Variants in SLC12A8 observed in about 807,000 individuals in gnomAD.
SLC12A8 encodes the protein solute carrier family 12 member 8.
SLC12A8 carries 69 observed loss-of-function variants against 75.6 expected under a neutral mutation model. The ratio of observed to expected loss-of-function variants is 0.91; its 90% CI spans 0.75 to 1.11. The LOEUF (loss-of-function observed/expected upper bound fraction) is 1.11. Among genes scored for constraint, SLC12A8 ranks in the 50% most tolerant of loss-of-function variants. The probability of loss-of-function intolerance (pLI) is 0.00; values close to 1 mark genes in which losing one functional copy is unlikely to be tolerated. For synonymous variants in SLC12A8, 365 were observed against 372.8 expected (o/e 0.98, Z 0.24); for missense variants, 877 against 896.7 (o/e 0.98, Z 0.28).
At chr3:125,201,760 CTT>C (rs1935125913) in intron 2 of SLC12A8, among the ~76,000 whole-genome samples, 1 of 146,294 alleles carries the variant, frequency 6.8e-6, no homozygotes, top group African/African-American at 2.5e-5. Flanking sequence ...CCTCTAAAGA[CTT>C]TTCACGTCAA....
chr3:125,128,387 A>C (rs1250607568), intron 6 of SLC12A8, among the ~76,000 whole-genome samples: 1 of 126,568 alleles, frequency 7.9e-6, no homozygotes, highest in Non-Finnish European at 1.6e-5. Context: ...TCACCGTTTT[A>C]GCCGGGATGG....
chr3:125,182,820 A>G (rs1934696025), intron 4 of SLC12A8, among the ~76,000 whole-genome samples: 1 of 152,116 alleles, frequency 6.6e-6, no homozygotes, highest in African/African-American at 2.4e-5. Context: ...CCTTGTCCCC[A>G]TTTTTGTAAA....
chr3:125,093,643 G>A (rs1350053549), intron 10 of SLC12A8, among the ~76,000 whole-genome samples: 2 of 152,092 alleles, frequency 1.3e-5, no homozygotes, highest in African/African-American at 4.8e-5. Context: ...TTCCTTCACA[G>A]CACTTACCAT....
intron 2 of SLC12A8, among the ~76,000 whole-genome samples, chr3:125,196,895 T>C (rs816342): frequency 0.96 from 146,820 of 152,322 alleles, 70,977 homozygotes; most frequent in East Asian, 1. Context: ...TGCTGCTGCA[T>C]TCCAGCCTGG....
At chr3:125,106,506 C>A (rs937934672) in intron 10 of SLC12A8, among the ~76,000 whole-genome samples, 1 of 152,250 alleles carries the variant, frequency 6.6e-6, no homozygotes, top group East Asian at 1.9e-4. Flanking sequence ...TGGGTTCAAG[C>A]AATTCTCCTG....
chr3:125,132,769 C>T (rs1933392540), intron 6 of SLC12A8, among the ~76,000 whole-genome samples: 1 of 152,074 alleles, frequency 6.6e-6, no homozygotes, highest in East Asian at 1.9e-4. Flanking sequence ...GGTTATTCAA[C>T]AATAAGCATG....
At chr3:125,094,484 T>G (rs1488311770) in intron 10 of SLC12A8, among the ~76,000 whole-genome samples, 2 of 152,052 alleles carry the variant, frequency 1.3e-5, no homozygotes, top group South Asian at 4.2e-4. Flanking sequence ...TATTCTGCCT[T>G]CCTTCCTTTC....
At chr3:125,203,088 CAA>C (rs758212012) in intron 2 of SLC12A8, among the ~76,000 whole-genome samples, 9,268 of 88,392 alleles carry the variant, frequency 0.1, 172 homozygotes, top group East Asian at 0.21. Context: ...GACTTCATCT[CAA>C]AAAAAAAAAA....
intron 5 of SLC12A8, among the ~76,000 whole-genome samples, chr3:125,143,166 T>A (rs11714072): frequency 6.6e-6 from 1 of 152,114 alleles, no homozygotes; most frequent in Non-Finnish European, 1.5e-5. Context: ...GTAACCCTAA[T>A]TGAGAGTACA....
chr3:125,120,873 C>T (rs1277149009), intron 6 of SLC12A8, 187 bp from the exon 7 acceptor site: 3 of 702,958 alleles, frequency 4.3e-6, no homozygotes, highest in South Asian at 1.5e-5. Flanking sequence ...ATCCCTGTGG[C>T]GTGAAAGGCA....
At chr3:125,133,097 G>C (rs1933399571) in intron 6 of SLC12A8, among the ~76,000 whole-genome samples, 1 of 152,068 alleles carries the variant, frequency 6.6e-6, no homozygotes, top group African/African-American at 2.4e-5. Flanking sequence ...GTTGAGTAGG[G>C]GATACAAGAA....
chr3:125,204,893 C>T (rs1003596983), intron 2 of SLC12A8, among the ~76,000 whole-genome samples: 3 of 152,116 alleles, frequency 2.0e-5, no homozygotes, highest in South Asian at 2.1e-4. Flanking sequence ...TAAAATCTTG[C>T]TGGCCTAGGA....
chr3:125,107,427 T>C, intron 10 of SLC12A8, 54 bp downstream of exon 10: 1 of 1,489,984 alleles, frequency 6.7e-7, no homozygotes, highest in Non-Finnish European at 9.1e-7. Flanking sequence ...GTAGGTAGGA[T>C]AATCAGTGGT....
At chr3:125,090,525 T>C (rs1938558080) in intron 12 of SLC12A8, among the ~76,000 whole-genome samples, 1 of 152,234 alleles carries the variant, frequency 6.6e-6, no homozygotes, top group Admixed American at 6.5e-5. Context: ...TTGAAATCTC[T>C]GACTATGGTT....
intron 10 of SLC12A8, among the ~76,000 whole-genome samples, chr3:125,100,806 G>A (rs1437202154): frequency 6.7e-6 from 1 of 148,654 alleles, no homozygotes; most frequent in Non-Finnish European, 1.5e-5. Context: ...GAGGTCAGGA[G>A]ATCGAGACCA....
chr3:125,197,484 G>A (rs1464253947), intron 2 of SLC12A8, among the ~76,000 whole-genome samples: 1 of 152,172 alleles, frequency 6.6e-6, no homozygotes, highest in African/African-American at 2.4e-5. Flanking sequence ...TAGAGACAGA[G>A]TTTTGCGCTG....
chr3:125,170,051 C>A (rs1255376902), intron 5 of SLC12A8, among the ~76,000 whole-genome samples: 2 of 151,956 alleles, frequency 1.3e-5, no homozygotes, highest in African/African-American at 2.4e-5. Flanking sequence ...AAAAAAAAAT[C>A]CTCATTAATG....
intron 13 of SLC12A8, among the ~76,000 whole-genome samples, chr3:125,087,621 C>T (rs181034792): frequency 5.3e-5 from 8 of 152,248 alleles, no homozygotes; most frequent in Admixed American, 5.2e-4. Context: ...AGCTCTAGCT[C>T]CTCACTGATA....
chr3:125,170,124 T>C (rs1172374742), intron 5 of SLC12A8, among the ~76,000 whole-genome samples: 1 of 152,196 alleles, frequency 6.6e-6, no homozygotes, highest in African/African-American at 2.4e-5. Flanking sequence ...TGACAGAAAC[T>C]TGAAAAATTG....
Sources: allele counts gnomAD v4.1 joint callset (sites outside exome capture counted in the v4.1 genomes callset), GRCh38; gene constraint gnomAD v4.1.1; transcripts MANE v1.5; gene names NCBI Gene and HGNC (gene_info 2026-07-23, HGNC 2026-07-21).